CDC42SE2: variants seen among roughly 807,000 people sequenced by gnomAD.
CDC42SE2 encodes CDC42 small effector 2.
In CDC42SE2, 3 loss-of-function variants were observed where a neutral mutation model predicts 11.5. That is an observed-to-expected ratio of 0.26 (90% CI 0.12 to 0.67). The LOEUF is 0.67. Among genes scored for constraint, CDC42SE2 ranks in the 30% least tolerant of loss-of-function variants. CDC42SE2 has a pLI of 0.80. For missense variants in CDC42SE2, 82 were observed against 106.8 expected (o/e 0.77, Z 1.02); for synonymous variants, 33 against 34.8 (o/e 0.95, Z 0.18).
chr5:131,323,287 G>A (rs560396478), intron 2 of CDC42SE2, among the ~76,000 whole-genome samples: 1 of 151,602 alleles, frequency 6.6e-6, no homozygotes, highest in South Asian at 2.1e-4. Context: ...TGGCATTCAA[G>A]TGTTGGGATT....
intron 3 of CDC42SE2, among the ~76,000 whole-genome samples, chr5:131,377,918 A>T (rs1750203240): frequency 6.6e-6 from 1 of 152,254 alleles, no homozygotes; most frequent in South Asian, 2.1e-4. Context: ...AACAATTTTT[A>T]GAGAACTGAG....
chr5:131,345,942 C>A (rs1206844139), intron 2 of CDC42SE2, among the ~76,000 whole-genome samples: 2 of 152,158 alleles, frequency 1.3e-5, no homozygotes, highest in Admixed American at 6.5e-5. Context: ...TACAGACAAG[C>A]AAATGCTGAG....
intron 3 of CDC42SE2, among the ~76,000 whole-genome samples, chr5:131,365,749 A>G (rs775848324): frequency 1.4e-4 from 22 of 152,270 alleles, no homozygotes; most frequent in Middle Eastern, 3.4e-3. Flanking sequence ...TTGGGAGGCC[A>G]AGGCGGGCGG....
chr5:131,385,825 A>C (rs1312753256), intron 4 of CDC42SE2, among the ~76,000 whole-genome samples, 181 bp downstream of exon 4: 1 of 152,198 alleles, frequency 6.6e-6, no homozygotes, highest in Non-Finnish European at 1.5e-5. Flanking sequence ...AATCTCTTTG[A>C]ATTTCCTGGA....
the CDC42SE2 span, among the ~76,000 whole-genome samples, chr5:131,232,933 T>TA: frequency 2.0e-3 from 283 of 141,640 alleles, no homozygotes; most frequent in Middle Eastern, 7.1e-3. Flanking sequence ...CTGCACACAG[T>TA]AAAAAAAAAA....
intron 3 of CDC42SE2, among the ~76,000 whole-genome samples, chr5:131,371,360 A>C (rs1418974242): frequency 2.0e-5 from 3 of 152,048 alleles, no homozygotes; most frequent in Admixed American, 1.3e-4. Context: ...GTTTGGTCTG[A>C]TCTCTTATCA....
At chr5:131,298,538 A>C (rs930859941) in intron 1 of CDC42SE2, among the ~76,000 whole-genome samples, 3 of 151,872 alleles carry the variant, frequency 2.0e-5, no homozygotes, top group Middle Eastern at 3.4e-3. Flanking sequence ...CCTGATACTT[A>C]ACCTCTAGTG....
At chr5:131,334,184 A>AGTCCACGGAC in intron 2 of CDC42SE2, among the ~76,000 whole-genome samples, 1 of 152,142 alleles carries the variant, frequency 6.6e-6, no homozygotes, top group Non-Finnish European at 1.5e-5. Context: ...GGGTTGTTGA[A>AGTCCACGGAC]TTTTGTCAAA....
intron 1 of CDC42SE2, among the ~76,000 whole-genome samples, chr5:131,300,885 TAATAA>T (rs753427104): frequency 5.3e-5 from 8 of 152,196 alleles, no homozygotes; most frequent in Non-Finnish European, 1.2e-4. Context: ...GCATATTGCA[TAATAA>T]AATAGTTTCC....
chr5:131,286,563 A>G (rs1757345892), intron 1 of CDC42SE2, among the ~76,000 whole-genome samples: 1 of 151,828 alleles, frequency 6.6e-6, no homozygotes, highest in Admixed American at 6.6e-5. Context: ...CTTGAACAAC[A>G]TGGGTTTGAA....
chr5:131,218,514 C>A, the CDC42SE2 span, among the ~76,000 whole-genome samples: 1 of 152,278 alleles, frequency 6.6e-6, no homozygotes, highest in South Asian at 2.1e-4. Flanking sequence ...TATCCTATGA[C>A]TCAGCACTTG....
chr5:131,356,156 T>G, intron 2 of CDC42SE2, among the ~76,000 whole-genome samples: 1 of 152,164 alleles, frequency 6.6e-6, no homozygotes, highest in East Asian at 1.9e-4. Context: ...GTCTGACCCC[T>G]TAGTTATGTG....
intron 2 of CDC42SE2, among the ~76,000 whole-genome samples, chr5:131,258,599 A>G (rs964775263): frequency 6.6e-6 from 1 of 151,890 alleles, no homozygotes; most frequent in Non-Finnish European, 1.5e-5. Context: ...CATGTACCCT[A>G]ATTTACCTCT....
chr5:131,211,333 C>T, the CDC42SE2 span, among the ~76,000 whole-genome samples: 2 of 152,120 alleles, frequency 1.3e-5, no homozygotes, highest in African/African-American at 4.8e-5. Flanking sequence ...TTTTTAATTG[C>T]TACATTATTA....
intron 1 of CDC42SE2, among the ~76,000 whole-genome samples, chr5:131,294,558 A>G (rs1757528494): frequency 6.6e-6 from 1 of 152,238 alleles, no homozygotes; most frequent in African/African-American, 2.4e-5. Context: ...AGTGAAATAT[A>G]TAGAATGCCA....
At chr5:131,212,128 G>A in the CDC42SE2 span, among the ~76,000 whole-genome samples, 1 of 151,522 alleles carries the variant, frequency 6.6e-6, no homozygotes, top group Non-Finnish European at 1.5e-5. Flanking sequence ...TTTGTTTTGA[G>A]ACGGAGTGTC....
In CDC42SE2 at chr5:131,335,706, C is replaced by A. The variant is rs545911626; in HGVS notation, c.-286+19562C>A. Among the ~76,000 whole-genome samples the A allele has an allele frequency of 3.9e-5, 6 of 152,256 alleles. No homozygotes were observed. In the South Asian group the frequency reaches 8.3e-4, roughly 21 times the overall value. ...GTTAGCTCTTCTTGTTGAATTGATC[C>A]CTTTACCATTATGTAATGACCTTCT... On this transcript the variant is annotated intron_variant, in intron 2 of 4. Coordinates refer to ENST00000505065, the MANE Select transcript of CDC42SE2 (RefSeq NM_001375635.1).
intron 2 of CDC42SE2, among the ~76,000 whole-genome samples, chr5:131,332,820 T>G (rs1188307986): frequency 3.9e-5 from 6 of 152,188 alleles, no homozygotes; most frequent in African/African-American, 7.2e-5. Context: ...GGGTTGTTTG[T>G]TTTTTTCTTG....
intron 1 of CDC42SE2, among the ~76,000 whole-genome samples, chr5:131,297,363 C>T (rs1039682862): frequency 2.0e-5 from 3 of 151,950 alleles, no homozygotes; most frequent in Non-Finnish European, 2.9e-5. Flanking sequence ...TCTCATCTTT[C>T]CCTCTTTCTC....
Sources: allele counts gnomAD v4.1 joint callset (sites outside exome capture counted in the v4.1 genomes callset), GRCh38; gene constraint gnomAD v4.1.1; transcripts MANE v1.5; gene names NCBI Gene and HGNC (gene_info 2026-07-23, HGNC 2026-07-21).